Variants in PCED1B observed in about 807,000 individuals in gnomAD.
PCED1B encodes the protein PC-esterase domain containing 1B, also known as PC-esterase domain-containing protein 1B.
For synonymous variants in PCED1B, 251 were observed against 246.1 expected (o/e 1.02, Z -0.19); for missense variants, 573 against 573.9 (o/e 1.00, Z 0.02).
chr12:47,204,611 G>A (rs1427666211), intron 2 of PCED1B, among the ~76,000 whole-genome samples: 2 of 152,068 alleles, frequency 1.3e-5, no homozygotes, highest in Non-Finnish European at 1.5e-5. Context: ...CAGATCTCTG[G>A]GTGTTCTTGA....
chr12:47,095,981 A>T (rs1938470140), intron 1 of PCED1B, among the ~76,000 whole-genome samples: 1 of 152,064 alleles, frequency 6.6e-6, no homozygotes, highest in African/African-American at 2.4e-5. Context: ...AGAAGCATTT[A>T]TGTAAACACT....
At chr12:47,125,213 A>AT in intron 2 of PCED1B, among the ~76,000 whole-genome samples, 1 of 151,962 alleles carries the variant, frequency 6.6e-6, no homozygotes, top group East Asian at 1.9e-4. Flanking sequence ...ATGGAGAGTC[A>AT]TTTTTTGTTT....
At chr12:47,176,496 G>A (rs1318612875) in intron 2 of PCED1B, among the ~76,000 whole-genome samples, 1 of 152,212 alleles carries the variant, frequency 6.6e-6, no homozygotes, top group Non-Finnish European at 1.5e-5. Flanking sequence ...CTGAACACAT[G>A]GAGGTGCTGG....
chr12:47,157,824 T>C (rs1414916468), intron 2 of PCED1B, among the ~76,000 whole-genome samples: 1 of 152,218 alleles, frequency 6.6e-6, no homozygotes, highest in African/African-American at 2.4e-5. Flanking sequence ...TGCTAGTTCC[T>C]GACAACCAGT....
At chr12:47,114,284 A>T (rs1939326699) in intron 2 of PCED1B, among the ~76,000 whole-genome samples, 1 of 152,226 alleles carries the variant, frequency 6.6e-6, no homozygotes, top group Admixed American at 6.5e-5. Context: ...CATTTGACAC[A>T]TGAGGAAACT....
At chr12:47,232,095 A>G (rs556433804) in intron 3 of PCED1B, among the ~76,000 whole-genome samples, 2 of 152,352 alleles carry the variant, frequency 1.3e-5, no homozygotes, top group East Asian at 3.9e-4. Context: ...TGGAGCATAT[A>G]GTAGGCACTT....
intron 2 of PCED1B, among the ~76,000 whole-genome samples, chr12:47,141,669 A>G (rs1179594456): frequency 2.6e-5 from 4 of 152,130 alleles, no homozygotes; most frequent in African/African-American, 4.8e-5. Context: ...CTGCTTACCT[A>G]CATTCCACAG....
chr12:47,217,436 A>AAAG (rs1943297268), intron 3 of PCED1B, among the ~76,000 whole-genome samples: 1 of 85,778 alleles, frequency 1.2e-5, no homozygotes, highest in African/African-American at 1.4e-4. Flanking sequence ...AGAAGAAAAA[A>AAAG]AAAGAAAGAA....
intron 2 of PCED1B, among the ~76,000 whole-genome samples, chr12:47,164,595 C>T (rs976789740): frequency 6.6e-5 from 10 of 152,246 alleles, no homozygotes; most frequent in African/African-American, 2.4e-4. Context: ...AGTAGCTGTA[C>T]AATTCTGTGG....
At chr12:47,172,869 A>G (rs1941796937) in intron 2 of PCED1B, among the ~76,000 whole-genome samples, 1 of 152,186 alleles carries the variant, frequency 6.6e-6, no homozygotes, top group South Asian at 2.1e-4. Context: ...TTGTTGAGGG[A>G]AAGAGGTTAA....
At chr12:47,125,332 G>A (rs1431805778) in intron 2 of PCED1B, among the ~76,000 whole-genome samples, 1 of 151,954 alleles carries the variant, frequency 6.6e-6, no homozygotes, top group East Asian at 1.9e-4. Flanking sequence ...TATGTGTGGA[G>A]ATCCAGACTT....
At chr12:47,195,221 C>T (rs564299881) in intron 2 of PCED1B, among the ~76,000 whole-genome samples, 100 of 150,988 alleles carry the variant, frequency 6.6e-4, no homozygotes, top group African/African-American at 2.4e-3. Flanking sequence ...CCCAGCTACT[C>T]GGGAAGCTGA....
chr12:47,148,893 C>A (rs1046023739), intron 2 of PCED1B, among the ~76,000 whole-genome samples: 1 of 152,162 alleles, frequency 6.6e-6, no homozygotes, highest in African/African-American at 2.4e-5. Flanking sequence ...TCTTAAAAAT[C>A]TTTTCTGTAT....
intron 2 of PCED1B, among the ~76,000 whole-genome samples, chr12:47,115,197 A>G (rs1939363535): frequency 6.6e-6 from 1 of 152,172 alleles, no homozygotes; most frequent in Admixed American, 6.5e-5. Flanking sequence ...AGTTAGGCCT[A>G]ATTTTCAATC....
intron 2 of PCED1B, among the ~76,000 whole-genome samples, chr12:47,147,370 G>A (rs1940830666): frequency 6.6e-6 from 1 of 151,906 alleles, no homozygotes; most frequent in African/African-American, 2.4e-5. Context: ...AACACAATTC[G>A]GCCCTATTCT....
At chr12:47,194,158 C>T (rs1942530290) in intron 2 of PCED1B, among the ~76,000 whole-genome samples, 1 of 152,188 alleles carries the variant, frequency 6.6e-6, no homozygotes, top group Admixed American at 6.5e-5. Context: ...TCCCCACTGC[C>T]TGCCTCCTCT....
At chr12:47,165,466 TA>T (rs1278125109) in intron 2 of PCED1B, among the ~76,000 whole-genome samples, 7 of 152,246 alleles carry the variant, frequency 4.6e-5, no homozygotes, top group African/African-American at 1.7e-4. Context: ...TTCTGAGAGC[TA>T]ATTTGGCACA....
chr12:47,135,503 AG>A, intron 2 of PCED1B: 1 of 473,904 alleles, frequency 2.1e-6, no homozygotes, highest in South Asian at 1.7e-5. Context: ...GAGACTTGGA[AG>A]ATCAGCACTG....
intron 1 of PCED1B, among the ~76,000 whole-genome samples, chr12:47,080,217 C>A (rs1303268091): frequency 6.6e-6 from 1 of 152,074 alleles, no homozygotes; most frequent in Non-Finnish European, 1.5e-5. Flanking sequence ...AATTACGTCC[C>A]TTCGTCCAGC....
Sources: allele counts gnomAD v4.1 joint callset (sites outside exome capture counted in the v4.1 genomes callset), GRCh38; gene constraint gnomAD v4.1.1; transcripts MANE v1.5; gene names NCBI Gene and HGNC (gene_info 2026-07-23, HGNC 2026-07-21).